WNT5B: variants seen among roughly 807,000 people sequenced by gnomAD.
WNT5B encodes Wnt family member 5B.
A neutral mutation model predicts 36.5 loss-of-function variants in WNT5B; 18 were observed. The ratio of observed to expected loss-of-function variants is 0.49; its 90% CI spans 0.34 to 0.73. The LOEUF is 0.73. WNT5B is among the 30% of genes least tolerant of loss of function. WNT5B has a pLI of 0.01. For synonymous variants in WNT5B, 213 were observed against 212.3 expected, an observed-to-expected ratio of 1.00 and a Z score of -0.03; for missense variants, 424 against 508.4, an observed-to-expected ratio of 0.83 and a Z score of 1.60.
chr12:1,640,626 G>A (rs1183381315), intron 4 of WNT5B, among the ~76,000 whole-genome samples: 1 of 152,212 alleles, frequency 6.6e-6, no homozygotes. Flanking sequence ...GCAGGTTTGA[G>A]GGGAGCTGGG....
At chr12:1,641,385 C>CAAAAA (rs1371392049) in intron 4 of WNT5B, among the ~76,000 whole-genome samples, 1 of 100,972 alleles carries the variant, frequency 9.9e-6, no homozygotes, top group Admixed American at 1.1e-4. Context: ...GACTCCATCT[C>CAAAAA]AAAAAAAAAA....
chr12:1,623,272 T>A (rs1034660780), intron 1 of WNT5B, among the ~76,000 whole-genome samples: 3 of 133,748 alleles, frequency 2.2e-5, no homozygotes, highest in Non-Finnish European at 4.7e-5. Context: ...CTCGGCTCAC[T>A]ACAAGCTCCG....
chr12:1,619,432 C>T (rs1268389373), intron 1 of WNT5B, among the ~76,000 whole-genome samples: 2 of 152,116 alleles, frequency 1.3e-5, no homozygotes, highest in Non-Finnish European at 2.9e-5. Context: ...ATAATTAAGG[C>T]TGGCAGGGAA....
In WNT5B at chr12:1,646,308, T is replaced by C. The variant is rs2154439954; in HGVS notation, c.*56T>C. 1.6e-6 allele frequency: 2 copies of C among 1,250,574 alleles called. No homozygotes were observed. Among genetic ancestry groups the C allele is most frequent in the African/African-American group, 3.0e-5 (2 of 65,842 alleles). 77.5% of individuals were successfully genotyped at this position (1,250,574 alleles called of 1,614,324 possible). The stretch of plus-strand genomic sequence containing the variant: ...CTCTGCCTCACAAAGGTCTATATTA[T>C]ATAAATCTATATAAATCTATTTTAT... On this transcript the variant is annotated 3_prime_UTR_variant, in exon 5 of 5. Coordinates refer to ENST00000397196, the MANE Select transcript of WNT5B (RefSeq NM_032642.3).
intron 3 of WNT5B, among the ~76,000 whole-genome samples, chr12:1,639,243 T>C (rs1315079003): frequency 6.6e-6 from 1 of 151,078 alleles, no homozygotes; most frequent in Non-Finnish European, 1.5e-5. Context: ...GTTCACGCCA[T>C]TCTCCTGCCT....
At chr12:1,621,297 A>G (rs1033105706) in intron 1 of WNT5B, among the ~76,000 whole-genome samples, 7 of 152,158 alleles carry the variant, frequency 4.6e-5, no homozygotes, top group African/African-American at 1.4e-4. Flanking sequence ...ATTGGAAGAC[A>G]GAGAACACGC....
At chr12:1,634,562 C>G (rs1208085353) in intron 3 of WNT5B, among the ~76,000 whole-genome samples, 1 of 152,206 alleles carries the variant, frequency 6.6e-6, no homozygotes, top group Admixed American at 6.5e-5. Flanking sequence ...GAGCCCATCT[C>G]TCTGTGCCCT....
At chr12:1,619,498 G>A (rs1592512545) in intron 1 of WNT5B, among the ~76,000 whole-genome samples, 1 of 152,252 alleles carries the variant, frequency 6.6e-6, no homozygotes, top group East Asian at 1.9e-4. Flanking sequence ...TCTCGTAAGA[G>A]GTGGTGGAAT....
chr12:1,636,538 T>C (rs1454760546), intron 3 of WNT5B, among the ~76,000 whole-genome samples: 22 of 36,364 alleles, frequency 6.0e-4, no homozygotes, highest in Non-Finnish European at 1.3e-3. Context: ...TATATATATA[T>C]ATACTTTTTT....
intron 1 of WNT5B, among the ~76,000 whole-genome samples, chr12:1,619,260 C>T (rs988908259): frequency 1.6e-4 from 24 of 152,194 alleles, no homozygotes; most frequent in African/African-American, 5.5e-4. Context: ...CAACCCTCTC[C>T]CCGCCCAATT....
chr12:1,640,002 C>T (rs2094571662), intron 4 of WNT5B, 26 bp downstream of exon 4: 2 of 1,593,018 alleles, frequency 1.3e-6, no homozygotes, highest in Middle Eastern at 2.0e-4. Flanking sequence ...CCGGCCTCCC[C>T]AGCACTGCAG....
intron 3 of WNT5B, among the ~76,000 whole-genome samples, chr12:1,637,788 C>G (rs1423676233): frequency 6.6e-6 from 1 of 151,670 alleles, no homozygotes; most frequent in East Asian, 1.9e-4. Context: ...ATTCTATAGT[C>G]TATTAAGTGT....
Position 1,639,837 on chromosome 12 carries a change from G to GTGGGGACAA in WNT5B, c.483_491dup (p.Gly162_Asn164dup). ...CCCCGGGACTGGCTGTGGGGCGGCTGTGGGGACAACGTGGAGTACGGCTAC... is the reference window on the plus strand; with the variant it reads ...CCCCGGGACTGGCTGTGGGGCGGCTGTGGGGACAATGGGGACAACGTGGAGTACGGCTAC... On this transcript the variant is annotated inframe_insertion, in exon 4 of 5. Coordinates refer to ENST00000397196, the MANE Select transcript of WNT5B (RefSeq NM_032642.3). 6.2e-7 allele frequency: 1 copy of GTGGGGACAA among 1,613,898 alleles called. No individual in the cohort carries two copies. The highest frequency in any genetic ancestry group is 8.5e-7 in the Non-Finnish European group (1 of 1,179,896).
At chr12:1,623,726 T>G (rs2094537507) in intron 1 of WNT5B, among the ~76,000 whole-genome samples, 1 of 152,182 alleles carries the variant, frequency 6.6e-6, no homozygotes, top group African/African-American at 2.4e-5. Context: ...GTACCTCACC[T>G]CTGCATCTTC....
At chr12:1,623,951 T>C (rs2094537732) in intron 1 of WNT5B, among the ~76,000 whole-genome samples, 1 of 152,238 alleles carries the variant, frequency 6.6e-6, no homozygotes, top group Non-Finnish European at 1.5e-5. Flanking sequence ...AGGCTGTGTG[T>C]GTATCTAAGT....
At chr12:1,627,641 C>T (rs1472158488), upstream of WNT5B, among the ~76,000 whole-genome samples, 2 of 152,122 alleles carry the variant, frequency 1.3e-5, no homozygotes, top group Non-Finnish European at 2.9e-5. The surrounding 1 kb of genome is among the most constrained non-coding windows in gnomAD (Gnocchi z 5.0). Context: ...TCCTGTCTTC[C>T]AACACGCACC....
chr12:1,637,372 C>T (rs1302212052), intron 3 of WNT5B, among the ~76,000 whole-genome samples: 1 of 151,904 alleles, frequency 6.6e-6, no homozygotes, highest in Non-Finnish European at 1.5e-5. Flanking sequence ...TTGGTTCCAC[C>T]GTACTGCAAT....
intron 1 of WNT5B, among the ~76,000 whole-genome samples, chr12:1,620,638 A>C (rs1397921664): frequency 1.3e-5 from 2 of 151,304 alleles, no homozygotes; most frequent in African/African-American, 4.9e-5. Flanking sequence ...TCTTGGGTTC[A>C]AGTGATTCTC....
Position 1,618,252 on chromosome 12 carries a change from C to T in WNT5B, c.-58+1109C>T, listed in dbSNP as rs1393136270. ...CTCCATTTTGCAAACACAGTAGTACCTCTACTTGGTAGCACAAGACACATT... is the reference window on the plus strand; with the variant it reads ...CTCCATTTTGCAAACACAGTAGTACTTCTACTTGGTAGCACAAGACACATT... On this transcript the variant is annotated intron_variant, in intron 1 of 4. Transcript: ENST00000310594. The surrounding 1 kb of genome is among the most constrained non-coding windows in gnomAD (Gnocchi z 4.1). 1.3e-5 allele frequency among the ~76,000 whole-genome samples: 2 copies of T among 152,150 alleles called. No homozygotes were observed. Among genetic ancestry groups the T allele is most frequent in the East Asian group, 3.8e-4 (2 of 5,198 alleles).
Sources: allele counts gnomAD v4.1 joint callset (sites outside exome capture counted in the v4.1 genomes callset), GRCh38; gene constraint gnomAD v4.1.1; non-coding constraint Gnocchi (gnomAD v3.1); transcripts MANE v1.5; gene names NCBI Gene and HGNC (gene_info 2026-07-23, HGNC 2026-07-21).